DVL3: variants seen among roughly 807,000 people sequenced by gnomAD.
DVL3 encodes dishevelled segment polarity protein 3.
In DVL3, 27 loss-of-function variants were observed where a neutral mutation model predicts 67.4. The observed-to-expected ratio is 0.40, with a 90% CI of 0.30 to 0.55. The LOEUF is 0.55. Ranked by LOEUF, DVL3 falls within the 20% of genes least tolerant of loss-of-function variation. DVL3 has a pLI of 0.46. For synonymous variants in DVL3, 369 were observed against 396.8 expected, an observed-to-expected ratio of 0.93 and a Z score of 0.83; for missense variants, 819 against 1,021.5, an observed-to-expected ratio of 0.80 and a Z score of 2.70.
At chr3:184,160,899 C>T (rs904059498) in intron 1 of DVL3, among the ~76,000 whole-genome samples, 1 of 152,202 alleles carries the variant, frequency 6.6e-6, no homozygotes, top group Non-Finnish European at 1.5e-5. Context: ...TCTGAGCTAC[C>T]TCTGTGTCCC....
chr3:184,171,300 C>T lies in DVL3; in HGVS notation c.*545C>T, dbSNP rs561721989. 8.3e-5 allele frequency: 86 copies of T among 1,035,126 alleles called. 1 individual carries two copies. The South Asian group carries it at 2.5e-3, about 30-fold the overall frequency. 64.1% of individuals were successfully genotyped at this position (1,035,126 alleles called of 1,614,324 possible). A position where few individuals can be genotyped will look rare whatever the true frequency, so the allele number is the denominator to read the frequency against. ...CCCCCTGCCTGCTGCCTCAGTCCTG[C>T]AACCTAAAGCTGTAGTCGCCTCCAA... On this transcript the variant is annotated 3_prime_UTR_variant, in exon 15 of 15. Transcript: ENST00000313143.
chr3:184,155,720 A>C lies in DVL3; in HGVS notation c.85A>C (p.Thr29Pro). 6.2e-7 allele frequency: 1 copy of C among 1,613,106 alleles called. No individual in the cohort carries two copies. Among genetic ancestry groups the C allele is most frequent in the Non-Finnish European group, 8.5e-7 (1 of 1,179,720 alleles). ...GCTGCCCCTGCCCGCCGAGCGCGTC[A>C]CCTTGGCGGACTTTAAGGGCGTTTT... Reference protein sequence around the residue: ...VKLPLPAERVTLADFKGVLQR... With the variant: ...VKLPLPAERVPLADFKGVLQR... Residue 29 changes from threonine (T) to proline (P), a missense_variant, in exon 1 of 15, where the codon ACC becomes CCC. By Grantham distance (38) the Thr-to-Pro change is conservative. Around this residue, in one of 3 missense-constraint regions of DVL3, gnomAD observed 385 missense variants for 486.8 expected, o/e 0.79. Transcript: ENST00000313143. The surrounding 1 kb of genome is among the most constrained non-coding windows in gnomAD (Gnocchi z 5.4).
chr3:184,162,954 A>T (rs1188456882), intron 1 of DVL3, among the ~76,000 whole-genome samples: 1 of 152,020 alleles, frequency 6.6e-6, no homozygotes, highest in Non-Finnish European at 1.5e-5. Flanking sequence ...TAGGAAGGGG[A>T]GTGGAAAAGT....
At chr3:184,161,859 G>A (rs943927220) in intron 1 of DVL3, among the ~76,000 whole-genome samples, 1 of 152,124 alleles carries the variant, frequency 6.6e-6, no homozygotes, top group African/African-American at 2.4e-5. Flanking sequence ...CTGTGACCTT[G>A]GACAAGTTAA....
intron 1 of DVL3, among the ~76,000 whole-genome samples, chr3:184,156,621 GCA>G (rs1466042649): frequency 7.2e-5 from 11 of 152,356 alleles, no homozygotes; most frequent in Middle Eastern, 6.8e-3. Context: ...ATCTGGACAG[GCA>G]CAGTTTGGAA....
At chr3:184,156,405 AAC>A (rs1201632326) in intron 1 of DVL3, 1 of 456,668 alleles carries the variant, frequency 2.2e-6, no homozygotes, top group South Asian at 1.5e-5. Flanking sequence ...TTGTCACCGG[AAC>A]AGAGAGCCTG....
chr3:184,166,275 C>T lies in DVL3; in HGVS notation c.903+10C>T. The T allele has an allele frequency of 6.2e-7, 1 of 1,611,858 alleles. No homozygotes were observed. Among genetic ancestry groups the T allele is most frequent in the Non-Finnish European group, 8.5e-7 (1 of 1,179,050 alleles). On this transcript the variant is annotated intron_variant, in intron 8 of 14. Transcript: ENST00000313143. This position sits in a 1 kb window ranked among gnomAD's most constrained non-coding sequence, Gnocchi z 6.7. ...AGATATGTTGTTACAGGTATCAGTG[C>T]CCATCCTAGGCGGTGGTGTGGATAG...
At position 184,166,878 on chromosome 3, in the gene DVL3, C is replaced by T. The variant is rs142140216; in HGVS notation, c.1101C>T (p.Ala367=). ...CGGCCTGGGTCTCCCACACTGCAGCCATGACCGGCACCTTCCCTGCATACG... is the reference window on the plus strand; with the variant it reads ...CGGCCTGGGTCTCCCACACTGCAGCTATGACCGGCACCTTCCCTGCATACG... ...DPAAWVSHTA[A]MTGTFPAYGM... Residue 367 remains alanine, a synonymous_variant, in exon 11 of 15, where the codon GCC becomes GCT. Coordinates refer to ENST00000313143, the MANE Select transcript of DVL3 (RefSeq NM_004423.4). This position sits in a 1 kb window ranked among gnomAD's most constrained non-coding sequence, Gnocchi z 6.7. The T allele has an allele frequency of 5.0e-5, 80 of 1,614,070 alleles. No homozygotes were observed. The highest frequency in any genetic ancestry group is 6.6e-5 in the Non-Finnish European group (78 of 1,180,044).
chr3:184,169,869 G>A (rs182069173), intron 13 of DVL3, 137 bp from the exon 14 acceptor site: 15 of 761,396 alleles, frequency 2.0e-5, no homozygotes, highest in East Asian at 1.5e-4. Flanking sequence ...TCTGCAGAAG[G>A]GGGGAGCTCT....
rs1577053798 is a variant in DVL3, at chr3:184,171,540, C to T, written c.*785C>T. 2 of 985,968 alleles carry T rather than the reference C, an allele frequency of 2.0e-6. No homozygotes were observed. Among genetic ancestry groups the T allele is most frequent in the Non-Finnish European group, 2.4e-6 (2 of 830,036 alleles). 61.1% of individuals were successfully genotyped at this position (985,968 alleles called of 1,614,324 possible). A position where few individuals can be genotyped will look rare whatever the true frequency, so the allele number is the denominator to read the frequency against. On this transcript the variant is annotated 3_prime_UTR_variant, in exon 15 of 15. Coordinates refer to ENST00000313143, the MANE Select transcript of DVL3 (RefSeq NM_004423.4). The stretch of plus-strand genomic sequence containing the variant: ...CATTTCTTTTCTTTCTTTTTTCCTC[C>T]CCCAATTTACCCTGGGCCTGGAGCA...
rs1167011742 is a variant in DVL3 at position 184,159,126 on chromosome 3, A to G, written c.161+3330A>G. Among the ~76,000 whole-genome samples, 4 of 104,584 alleles carry G rather than the reference A, an allele frequency of 3.8e-5. 2 individuals are homozygous for G. The highest frequency in any genetic ancestry group is 8.4e-5 in the Non-Finnish European group (4 of 47,504). 68.6% of individuals were successfully genotyped at this position (104,584 alleles called of 152,430 possible). ...TGGAGGAAGGATAAACATTTTCAGC[A>G]TTGAGGGCATGGTGGATGGTTCATA... is the stretch of plus-strand genomic sequence containing the variant. On this transcript the variant is annotated intron_variant, in intron 1 of 14. Transcript: ENST00000313143.
Position 184,155,633 on chromosome 3 carries a change from G to T in DVL3, c.-3G>T. 1 of 1,559,416 alleles carries T rather than the reference G, an allele frequency of 6.4e-7. No individual in the cohort carries two copies. On this transcript the variant is annotated 5_prime_UTR_variant, in exon 1 of 15. Transcript: ENST00000313143. The surrounding 1 kb of genome is among the most constrained non-coding windows in gnomAD (Gnocchi z 5.4). Reference sequence around the variant, plus strand: ...GCGGGCCGCCGGGCCCGAGGCCAGAGCCATGGGCGAGACCAAGATCATCTA... The same window carrying T: ...GCGGGCCGCCGGGCCCGAGGCCAGATCCATGGGCGAGACCAAGATCATCTA...
chr3:184,163,618 C>T lies in DVL3; in HGVS notation c.162-39C>T, dbSNP rs1216040097. The T allele has an allele frequency of 2.5e-6, 4 of 1,590,678 alleles. No individual in the cohort carries two copies. The highest frequency in any genetic ancestry group is 2.2e-5 in the South Asian group (2 of 90,630). On this transcript the variant is annotated intron_variant, in intron 1 of 14. Transcript: ENST00000313143. This position sits in a 1 kb window ranked among gnomAD's most constrained non-coding sequence, Gnocchi z 4.5. ...GGGATTTGAGGATCCTCCATTTGCA[C>T]CCTAGAAGGTTCTCTGTGACATCCC...
intron 1 of DVL3, among the ~76,000 whole-genome samples, chr3:184,162,333 A>G (rs145333694): frequency 1.5e-3 from 222 of 151,872 alleles, no homozygotes; most frequent in African/African-American, 5.2e-3. Flanking sequence ...ATACGCTACC[A>G]CGCTCGGCTA....
intron 13 of DVL3, 101 bp downstream of exon 13, chr3:184,168,166 G>T: frequency 7.3e-7 from 1 of 1,376,682 alleles, no homozygotes. Context: ...CTGGGGGACA[G>T]CAGAGCCAGG....
Position 184,155,715 on chromosome 3 carries a change from G to T in DVL3, c.80G>T (p.Arg27Leu), listed in dbSNP as rs755598607. Residue 27 changes from arginine (R) to leucine (L), a missense_variant, in exon 1 of 15, where the codon CGC (arginine) becomes CTC (leucine). By Grantham distance (102) the Arg-to-Leu change is moderately radical. Coordinates refer to ENST00000313143, the MANE Select transcript of DVL3 (RefSeq NM_004423.4). The surrounding 1 kb of genome is among the most constrained non-coding windows in gnomAD (Gnocchi z 5.4). ...GTGAAGCTGCCCCTGCCCGCCGAGCGCGTCACCTTGGCGGACTTTAAGGGC... is the reference window on the plus strand; with the variant it reads ...GTGAAGCTGCCCCTGCCCGCCGAGCTCGTCACCTTGGCGGACTTTAAGGGC... ...YLVKLPLPAE[R>L]VTLADFKGVL... The T allele has an allele frequency of 1.9e-5, 31 of 1,613,160 alleles. No individual in the cohort carries two copies. The East Asian group carries it at 2.9e-4, about 15-fold the overall frequency.
Position 184,170,763 on chromosome 3 carries a change from C to G in DVL3, c.*8C>G. 1 of 1,612,634 alleles carries G rather than the reference C, an allele frequency of 6.2e-7. No individual in the cohort carries two copies. The highest frequency in any genetic ancestry group is 8.5e-7 in the Non-Finnish European group (1 of 1,179,740). ...TTTGTGGATGTGATGTGAGCAGGGC[C>G]CCTCCCCCAGCTCCATTCCGCTCCC... On this transcript the variant is annotated 3_prime_UTR_variant, in exon 15 of 15. Transcript: ENST00000313143. This position sits in a 1 kb window ranked among gnomAD's most constrained non-coding sequence, Gnocchi z 6.5.
rs1398491209 is a variant in DVL3, at chr3:184,171,384, T to A, written c.*629T>A. ...TCAGAGGCCCAGAGGGCCCCCTCAG[T>A]TGCCTGAGCAGCTGGTGGCTTCCAG... On this transcript the variant is annotated 3_prime_UTR_variant, in exon 15 of 15. Transcript: ENST00000313143. 1 of 999,296 alleles carries A rather than the reference T, an allele frequency of 1.0e-6. No homozygotes were observed. The highest frequency in any genetic ancestry group is 1.7e-5 in the African/African-American group (1 of 57,340). 61.9% of individuals were successfully genotyped at this position (999,296 alleles called of 1,614,324 possible).
At chr3:184,156,596 C>T in intron 1 of DVL3, 1 of 400,702 alleles carries the variant, frequency 2.5e-6, no homozygotes, top group Non-Finnish European at 5.0e-6. Context: ...TCTTCCCTTC[C>T]ACCCAGCTGC....
Sources: allele counts gnomAD v4.1 joint callset (sites outside exome capture counted in the v4.1 genomes callset), GRCh38; gene constraint gnomAD v4.1.1; regional missense constraint gnomAD v4.1.1; non-coding constraint Gnocchi (gnomAD v3.1); transcripts MANE v1.5; gene names NCBI Gene and HGNC (gene_info 2026-07-23, HGNC 2026-07-21).